CDH12: variants seen among roughly 807,000 people sequenced by gnomAD.
CDH12 encodes cadherin-12.
Under a neutral mutation model 74.1 loss-of-function variants are expected in CDH12, and 41 were observed. The ratio of observed to expected loss-of-function variants is 0.55; its 90% CI spans 0.43 to 0.72. The LOEUF is 0.72. CDH12 is among the 30% of genes least tolerant of loss of function. The pLI, the probability that CDH12 is intolerant of heterozygous loss-of-function variation, is 0.00. For missense variants in CDH12, 945 were observed against 977.2 expected, an observed-to-expected ratio of 0.97 and a Z score of 0.44; for synonymous variants, 399 against 355.0, an observed-to-expected ratio of 1.12 and a Z score of -1.39.
chr5:21,979,492 G>A (rs1285615153), intron 5 of CDH12, among the ~76,000 whole-genome samples: 2 of 152,236 alleles, frequency 1.3e-5, no homozygotes, highest in South Asian at 2.1e-4. Flanking sequence ...TCATTCCAGC[G>A]CTTAAAAGTT....
chr5:22,473,857 T>G (rs1663661479), intron 2 of CDH12, among the ~76,000 whole-genome samples: 1 of 152,168 alleles, frequency 6.6e-6, no homozygotes, highest in African/African-American at 2.4e-5. Context: ...TGTCTCCTTC[T>G]CAATAACATT....
intron 2 of CDH12, among the ~76,000 whole-genome samples, chr5:22,471,829 T>C (rs549023176): frequency 7.9e-5 from 12 of 152,328 alleles, no homozygotes; most frequent in Admixed American, 3.3e-4. Context: ...ACTTTGTAGA[T>C]TATTTTACTC....
intron 3 of CDH12, among the ~76,000 whole-genome samples, chr5:22,263,540 T>G (rs1753597826): frequency 6.6e-6 from 1 of 152,080 alleles, no homozygotes; most frequent in Admixed American, 6.6e-5. Context: ...TCTCATCAAC[T>G]TAAAAACATC....
chr5:21,893,927 G>T (rs182840117), intron 6 of CDH12, among the ~76,000 whole-genome samples: 1 of 152,222 alleles, frequency 6.6e-6, no homozygotes, highest in Non-Finnish European at 1.5e-5. Flanking sequence ...CACAGAAAAG[G>T]TATTTGAGTT....
chr5:21,977,800 A>G (rs1295203058), intron 5 of CDH12, among the ~76,000 whole-genome samples: 1 of 152,194 alleles, frequency 6.6e-6, no homozygotes, highest in African/African-American at 2.4e-5. Flanking sequence ...ATGGGAAAAT[A>G]CGTTAAAAGG....
intron 1 of CDH12, among the ~76,000 whole-genome samples, chr5:22,843,296 C>A (rs1737158332): frequency 6.6e-6 from 1 of 151,994 alleles, no homozygotes; most frequent in Non-Finnish European, 1.5e-5. Context: ...AATGGACCAT[C>A]TTTAAATAAA....
At chr5:22,353,984 C>T (rs1740460029) in intron 3 of CDH12, among the ~76,000 whole-genome samples, 1 of 152,046 alleles carries the variant, frequency 6.6e-6, no homozygotes, top group Admixed American at 6.6e-5. Context: ...ATCTCATGAC[C>T]AACCACCTAT....
intron 1 of CDH12, among the ~76,000 whole-genome samples, chr5:22,806,292 C>T (rs1748782271): frequency 2.0e-5 from 3 of 151,762 alleles, no homozygotes; most frequent in Admixed American, 1.3e-4. Flanking sequence ...AAAAGGGTTC[C>T]TATTTCCCCA....
intron 6 of CDH12, among the ~76,000 whole-genome samples, chr5:21,897,460 G>A (rs970796591): frequency 1.3e-5 from 2 of 152,180 alleles, no homozygotes; most frequent in African/African-American, 4.8e-5. Flanking sequence ...GAATGAAAAT[G>A]TACTGACAAA....
At chr5:22,164,130 C>G (rs75615432) in intron 4 of CDH12, among the ~76,000 whole-genome samples, 13,452 of 152,224 alleles carry the variant, frequency 0.088, 741 homozygotes, top group African/African-American at 0.16. Context: ...GCTCCCAGAG[C>G]TCCCAAGATG....
intron 1 of CDH12, among the ~76,000 whole-genome samples, chr5:22,605,532 C>T (rs902627043): frequency 6.6e-6 from 1 of 152,200 alleles, no homozygotes; most frequent in African/African-American, 2.4e-5. Flanking sequence ...CTCATTCCCA[C>T]CTCCCACCTC....
intron 4 of CDH12, among the ~76,000 whole-genome samples, chr5:22,196,420 G>A (rs573238059): frequency 6.6e-6 from 1 of 152,174 alleles, no homozygotes; most frequent in South Asian, 2.1e-4. Flanking sequence ...TGGGATTACA[G>A]GCATGAGCCA....
intron 11 of CDH12, among the ~76,000 whole-genome samples, chr5:21,770,915 C>A (rs2149883125): frequency 6.6e-6 from 1 of 152,198 alleles, no homozygotes; most frequent in Non-Finnish European, 1.5e-5. Context: ...TTGCGGAAAC[C>A]TGGGTGGAGC....
chr5:22,046,576 C>A (rs750949919), intron 5 of CDH12, among the ~76,000 whole-genome samples: 1 of 151,616 alleles, frequency 6.6e-6, no homozygotes, highest in Non-Finnish European at 1.5e-5. Context: ...TTTCTTAATG[C>A]TCTGTTGTTT....
chr5:22,142,788 T>A (rs1746888807), intron 4 of CDH12: 1 of 249,438 alleles, frequency 4.0e-6, no homozygotes, highest in African/African-American at 2.4e-5. Context: ...ATTCTTCTTT[T>A]TTCTTAATAA....
At chr5:22,285,449 T>G (rs1187694234) in intron 3 of CDH12, among the ~76,000 whole-genome samples, 9 of 152,138 alleles carry the variant, frequency 5.9e-5, no homozygotes, top group African/African-American at 2.2e-4. Flanking sequence ...TGTAAATAAT[T>G]GATTGATTCA....
In CDH12 at chr5:22,351,453, C is replaced by T. The variant is rs940287121; in HGVS notation, c.-333+53804G>A. Among the ~76,000 whole-genome samples the T allele has an allele frequency of 2.6e-5, 4 of 152,248 alleles. No homozygotes were observed. The South Asian group carries it at 8.3e-4, about 32-fold the overall frequency. On this transcript the variant is annotated intron_variant, in intron 3 of 14. Transcript: ENST00000382254. ...AACAATACAAATTGGTGCTTTATTA[C>T]AATGCCTCAGGCCCATTAATTATTA...
intron 1 of CDH12, among the ~76,000 whole-genome samples, chr5:22,711,378 T>C (rs1328339851): frequency 6.6e-6 from 1 of 152,120 alleles, no homozygotes; most frequent in Non-Finnish European, 1.5e-5. Flanking sequence ...TTCTAGAGAT[T>C]GCTTACCACT....
At chr5:22,614,275 A>G (rs1390911010) in intron 1 of CDH12, among the ~76,000 whole-genome samples, 1 of 152,114 alleles carries the variant, frequency 6.6e-6, no homozygotes, top group Admixed American at 6.6e-5. Flanking sequence ...AGTGATGGCT[A>G]AATGGGAAAA....
Sources: gnomAD v4.1 joint callset for allele counts (sites outside exome capture counted in the v4.1 genomes callset) on GRCh38, gnomAD v4.1.1 for gene constraint, MANE v1.5 for transcripts, NCBI Gene and HGNC (gene_info 2026-07-23, HGNC 2026-07-21) for gene names.